The following ABCA13 variants were observed in gnomAD, a reference collection of about 807,000 sequenced individuals.
ABCA13 encodes the protein ATP binding cassette subfamily A member 13, also known as ATP-binding cassette sub-family A member 13.
Under a neutral mutation model 478.7 loss-of-function variants are expected in ABCA13, and 476 were observed. The observed-to-expected ratio is 0.99, with a 90% CI of 0.92 to 1.07. ABCA13 has a LOEUF of 1.07. Ranked by LOEUF, ABCA13 falls within the 50% of genes least tolerant of loss-of-function variation. ABCA13 has a pLI of 0.00. For synonymous variants in ABCA13, 2,252 were observed against 2,158.9 expected, an observed-to-expected ratio of 1.04 and a Z score of -1.20; for missense variants, 6,060 against 5,910.6, an observed-to-expected ratio of 1.03 and a Z score of -0.83.
At chr7:48,614,892 G>A (rs1325085513) in intron 58 of ABCA13, among the ~76,000 whole-genome samples, 4 of 108,784 alleles carry the variant, frequency 3.7e-5, no homozygotes, top group South Asian at 3.9e-4. Context: ...TTGTGGGGTG[G>A]GGGGAGGGGG....
intron 3 of ABCA13, among the ~76,000 whole-genome samples, chr7:48,206,125 C>A (rs1315380838): frequency 6.6e-6 from 1 of 152,092 alleles, no homozygotes; most frequent in Non-Finnish European, 1.5e-5. Context: ...AAGGATATAT[C>A]CTTGGTGTTT....
At position 48,219,865 on chromosome 7, in the gene ABCA13, C is replaced by G. The variant is rs371952510; in HGVS notation, c.439+360C>G. ...CTTTCTCTTATTCTGTTTTTAAAAT[C>G]TGTCCCCACCTTCCCCAAACACACA... On this transcript the variant is annotated intron_variant, in intron 4 of 61. Transcript: ENST00000435803. Among the ~76,000 whole-genome samples, 16 of 146,586 alleles carry G rather than the reference C, an allele frequency of 1.1e-4. 2 individuals are homozygous for G. The East Asian group carries it at 2.2e-3, about 21-fold the overall frequency.
At chr7:48,507,274 C>A (rs911621659) in intron 49 of ABCA13, among the ~76,000 whole-genome samples, 1 of 152,194 alleles carries the variant, frequency 6.6e-6, no homozygotes, top group African/African-American at 2.4e-5. Context: ...TCCTGAAAGA[C>A]CATCTGTGGT....
chr7:48,359,828 T>G (rs1399575109), intron 31 of ABCA13, among the ~76,000 whole-genome samples: 2 of 152,044 alleles, frequency 1.3e-5, no homozygotes, highest in African/African-American at 2.4e-5. Flanking sequence ...AACACGCCCA[T>G]GACTTTTCTG....
At chr7:48,418,227 G>A (rs1156387739) in intron 41 of ABCA13, among the ~76,000 whole-genome samples, 1 of 152,192 alleles carries the variant, frequency 6.6e-6, no homozygotes, top group South Asian at 2.1e-4. Flanking sequence ...GTATCTTACA[G>A]TAAGAGTGTC....
chr7:48,244,751 G>T (rs545277507), intron 11 of ABCA13, 48 bp downstream of exon 11: 2 of 1,531,102 alleles, frequency 1.3e-6, no homozygotes, highest in South Asian at 1.2e-5. Context: ...AAGAGTAAAT[G>T]TGAAATTTAT....
rs140351880 is a variant in ABCA13 at position 48,315,077 on chromosome 7, A to C, written c.9859+668A>C. Among the ~76,000 whole-genome samples the C allele has an allele frequency of 2.1e-4, 32 of 152,330 alleles. No individual in the cohort carries two copies. In the East Asian group the frequency reaches 6.2e-3, roughly 29 times the overall value. On this transcript the variant is annotated intron_variant, in intron 26 of 61. Transcript: ENST00000435803. ...CTCCATCAGTTGTGCATTTTTGGACACATTGTTTTATGTGTCTGCATCATG... is the reference window on the plus strand; with the variant it reads ...CTCCATCAGTTGTGCATTTTTGGACCCATTGTTTTATGTGTCTGCATCATG...
intron 28 of ABCA13, among the ~76,000 whole-genome samples, chr7:48,336,044 C>G (rs1475608728): frequency 3.9e-5 from 6 of 152,058 alleles, no homozygotes; most frequent in African/African-American, 1.4e-4. Flanking sequence ...AGAAAATATG[C>G]CTGCATTTTA....
In ABCA13 at chr7:48,436,651, T is replaced by G. The variant is rs548470198; in HGVS notation, c.12565+8780T>G. Among the ~76,000 whole-genome samples the G allele has an allele frequency of 3.3e-5, 5 of 152,012 alleles. No individual in the cohort carries two copies. The East Asian group carries it at 9.7e-4, about 29-fold the overall frequency. ...CTTTCTTCTCATATAAGAGAAGAAT[T>G]TAGAGCTATACATTTCCTTCTTAGT... On this transcript the variant is annotated intron_variant, in intron 42 of 61. Transcript: ENST00000435803.
chr7:48,645,617 C>T lies in ABCA13; in HGVS notation c.*105C>T. The T allele has an allele frequency of 1.2e-6, 1 of 866,548 alleles. No homozygotes were observed. The highest frequency in any genetic ancestry group is 1.8e-6 in the Non-Finnish European group (1 of 561,608). 53.7% of individuals were successfully genotyped at this position (866,548 alleles called of 1,614,324 possible). On this transcript the variant is annotated 3_prime_UTR_variant, in exon 62 of 62. Coordinates refer to ENST00000435803, the MANE Select transcript of ABCA13 (RefSeq NM_152701.5). ...CAATCAAGGAGCTGGAACACACTCTCCAGGCCGTCAAATTATTCTCTTGTT... is the reference window on the plus strand; with the variant it reads ...CAATCAAGGAGCTGGAACACACTCTTCAGGCCGTCAAATTATTCTCTTGTT...
intron 18 of ABCA13, 115 bp downstream of exon 18, chr7:48,280,035 GT>G: frequency 8.7e-7 from 1 of 1,144,202 alleles, no homozygotes; most frequent in Non-Finnish European, 1.1e-6. Flanking sequence ...CTTCAACTTT[GT>G]TTACACTCTG....
At chr7:48,291,805 A>G (rs993858836) in intron 20 of ABCA13, among the ~76,000 whole-genome samples, 2 of 152,128 alleles carry the variant, frequency 1.3e-5, no homozygotes, top group South Asian at 2.1e-4. Flanking sequence ...CAGTCCGTCA[A>G]CCTTCACATG....
intron 42 of ABCA13, among the ~76,000 whole-genome samples, chr7:48,442,436 C>T (rs1474269792): frequency 6.6e-6 from 1 of 152,174 alleles, no homozygotes; most frequent in Non-Finnish European, 1.5e-5. Flanking sequence ...TATCCTCTTT[C>T]TTATGGTTAT....
rs1562853112 is a variant in ABCA13 at position 48,239,392 on chromosome 7, G to GA, written c.1050dup (p.Val351SerfsTer13). 6.2e-7 allele frequency: 1 copy of GA among 1,612,988 alleles called. No individual in the cohort carries two copies. Among genetic ancestry groups the GA allele is most frequent in the Admixed American group, 1.7e-5 (1 of 59,966 alleles). On this transcript the variant is annotated frameshift_variant, in exon 9 of 62. Transcript: ENST00000435803. LOFTEE classifies it high-confidence loss of function. ...CTTGTCCATGCAGTCAGCTGGCTGC[G>GA]AGTCTACCAACAGGTGCTGTCCCCT... is the stretch of plus-strand genomic sequence containing the variant.
chr7:48,229,992 C>T (rs751198485), intron 7 of ABCA13, 37 bp downstream of exon 7: 29 of 1,581,808 alleles, frequency 1.8e-5, no homozygotes, highest in Admixed American at 8.8e-5. Context: ...TATTTCAAAA[C>T]GTTTAACTAC....
chr7:48,574,733 C>T (rs1788001883), intron 55 of ABCA13, among the ~76,000 whole-genome samples: 1 of 152,204 alleles, frequency 6.6e-6, no homozygotes, highest in South Asian at 2.1e-4. Context: ...AACATCATTA[C>T]TTCTTCTTCC....
intron 3 of ABCA13, among the ~76,000 whole-genome samples, chr7:48,212,547 C>A (rs1406287508): frequency 6.6e-6 from 1 of 152,166 alleles, no homozygotes; most frequent in East Asian, 1.9e-4. Context: ...ATTTTATACT[C>A]CCAACATCAA....
chr7:48,523,754 C>T (rs1832711803), intron 53 of ABCA13, among the ~76,000 whole-genome samples: 1 of 152,044 alleles, frequency 6.6e-6, no homozygotes, highest in Admixed American at 6.6e-5. Context: ...CTGATAGATA[C>T]TTACTGAATA....
intron 29 of ABCA13, among the ~76,000 whole-genome samples, chr7:48,349,988 C>G (rs1463042048): frequency 6.6e-6 from 1 of 152,212 alleles, no homozygotes; most frequent in Non-Finnish European, 1.5e-5. Flanking sequence ...GTTTTTCCAG[C>G]TCCTTCCTGA....
Sources: gnomAD v4.1 joint callset for allele counts (sites outside exome capture counted in the v4.1 genomes callset) on GRCh38, gnomAD v4.1.1 for gene constraint, MANE v1.5 for transcripts, NCBI Gene and HGNC (gene_info 2026-07-23, HGNC 2026-07-21) for gene names.